The following FGF13 variants were observed in gnomAD, a reference collection of about 807,000 sequenced individuals.
The protein encoded by FGF13 is fibroblast growth factor 13, also known as fibroblast growth factor homologous factor 2.
Under a neutral mutation model 19.5 loss-of-function variants are expected in FGF13, and 2 were observed. The observed-to-expected ratio is 0.10, with a 90% confidence interval of 0.04 to 0.32. The LOEUF is 0.32. FGF13 is among the 10% of genes least tolerant of loss of function. The probability of loss-of-function intolerance (pLI) is 1.00; values close to 1 mark genes in which losing one functional copy is unlikely to be tolerated. For missense variants in FGF13, 113 were observed against 192.7 expected (o/e 0.59, Z 2.45); for synonymous variants, 72 against 76.9 (o/e 0.94, Z 0.33).
At chrX:138,746,358 G>A (rs773870752) in intron 3 of FGF13, among the ~76,000 whole-genome samples, 103 of 110,704 alleles carry the variant, frequency 9.3e-4, no homozygotes, top group Non-Finnish European at 1.3e-3. Flanking sequence ...TTAGCACCTC[G>A]TTGTGAGGAT....
At chrX:139,053,415 G>GT (rs199847219) in intron 1 of FGF13, among the ~76,000 whole-genome samples, 4,923 of 94,077 alleles carry the variant, frequency 0.052, 226 homozygotes, top group African/African-American at 0.12. Flanking sequence ...AGCATCTACT[G>GT]TTTTTTTTTT....
intron 3 of FGF13, among the ~76,000 whole-genome samples, chrX:138,797,537 A>C (rs1357999157): frequency 9.0e-6 from 1 of 111,088 alleles, no homozygotes; most frequent in Non-Finnish European, 1.9e-5. Context: ...TCTTGACTAT[A>C]CGGGTTCTTT....
intron 3 of FGF13, among the ~76,000 whole-genome samples, chrX:138,666,941 G>A (rs1401917715): frequency 9.1e-6 from 1 of 109,352 alleles, no homozygotes; most frequent in Non-Finnish European, 1.9e-5. Flanking sequence ...CCACTAAAAT[G>A]TAGATTAAGA....
At chrX:138,975,355 C>A (rs1371177326) in intron 1 of FGF13, among the ~76,000 whole-genome samples, 2 of 111,798 alleles carry the variant, frequency 1.8e-5, no homozygotes, top group Non-Finnish European at 1.9e-5. Context: ...GAACTGGAAT[C>A]CAAACTCAGG....
intron 3 of FGF13, among the ~76,000 whole-genome samples, chrX:138,775,726 C>T (rs900663873): frequency 5.3e-5 from 6 of 112,553 alleles, no homozygotes; most frequent in African/African-American, 1.9e-4. Flanking sequence ...TATTCCTTTC[C>T]CATCGTGATA....
intron 1 of FGF13, among the ~76,000 whole-genome samples, chrX:138,960,292 G>T (rs2091862949): frequency 1.8e-5 from 2 of 111,600 alleles, no homozygotes; most frequent in Non-Finnish European, 3.8e-5. Flanking sequence ...ACTTAGTTTG[G>T]CTGGATATGA....
chrX:139,197,693 T>C (rs1198639800), intron 1 of FGF13, among the ~76,000 whole-genome samples: 1 of 110,633 alleles, frequency 9.0e-6, no homozygotes, highest in Admixed American at 9.6e-5. Context: ...TAGATGATGA[T>C]AGAAATAAAA....
chrX:138,781,323 G>T (rs7391700), intron 3 of FGF13, among the ~76,000 whole-genome samples: 32,190 of 107,194 alleles, frequency 0.3, 3,825 homozygotes, highest in East Asian at 0.5. Flanking sequence ...AATCAGAGCA[G>T]AACTGAAGGA....
chrX:139,129,181 A>ATG (rs567529252), intron 1 of FGF13, among the ~76,000 whole-genome samples: 18,401 of 86,860 alleles, frequency 0.21, 1,240 homozygotes, highest in East Asian at 0.24. Context: ...ACACACACAC[A>ATG]TGTGTGTGTG....
chrX:139,155,331 G>C (rs2083969035), intron 1 of FGF13, among the ~76,000 whole-genome samples: 2 of 111,726 alleles, frequency 1.8e-5, no homozygotes, highest in South Asian at 7.6e-4. Flanking sequence ...TTTTGATATT[G>C]GGGATCTCTA....
intron 1 of FGF13, among the ~76,000 whole-genome samples, chrX:139,006,150 A>C (rs1326992748): frequency 9.0e-6 from 1 of 111,457 alleles, no homozygotes; most frequent in Non-Finnish European, 1.9e-5. Flanking sequence ...CAGACTCCCA[A>C]AGGTGAAGGA....
intron 1 of FGF13, among the ~76,000 whole-genome samples, chrX:139,015,037 C>CA (rs1056313199): frequency 5.4e-5 from 6 of 111,046 alleles, no homozygotes; most frequent in African/African-American, 2.0e-4. Flanking sequence ...CAAAAACCCT[C>CA]AAAAAACTGG....
intron 3 of FGF13, among the ~76,000 whole-genome samples, chrX:138,796,897 G>A (rs1264590359): frequency 1.8e-5 from 2 of 111,865 alleles, no homozygotes; most frequent in East Asian, 5.6e-4. Flanking sequence ...CCCCCTTTAT[G>A]ATGGGGTTGT....
At chrX:138,817,791 T>C (rs1444252856) in intron 3 of FGF13, among the ~76,000 whole-genome samples, 1 of 112,279 alleles carries the variant, frequency 8.9e-6, no homozygotes, top group Non-Finnish European at 1.9e-5. Flanking sequence ...CAGATGTACA[T>C]GTTTATCTAC....
intron 1 of FGF13, among the ~76,000 whole-genome samples, chrX:138,979,179 C>T (rs1163518072): frequency 8.9e-6 from 1 of 111,975 alleles, no homozygotes; most frequent in Admixed American, 9.5e-5. Flanking sequence ...AAAAACCCCA[C>T]TGTGACTGGA....
At chrX:138,778,821 C>G (rs927168164) in intron 3 of FGF13, among the ~76,000 whole-genome samples, 11 of 112,697 alleles carry the variant, frequency 9.8e-5, no homozygotes, top group African/African-American at 3.5e-4. Flanking sequence ...CACCACAGCT[C>G]AAGGAGGCCT....
intron 3 of FGF13, among the ~76,000 whole-genome samples, chrX:138,824,897 G>A (rs1054911067): frequency 8.1e-5 from 9 of 111,640 alleles, no homozygotes; most frequent in Admixed American, 1.9e-4. Flanking sequence ...TGTTCAATTC[G>A]TGCGTAAGAA....
intron 1 of FGF13, among the ~76,000 whole-genome samples, chrX:138,966,156 T>C (rs2091894019): frequency 9.0e-6 from 1 of 111,652 alleles, no homozygotes; most frequent in South Asian, 3.7e-4. Flanking sequence ...AGAAGGGAAA[T>C]GTGGGGTCGG....
At chrX:138,810,463 A>C (rs1180535496) in intron 3 of FGF13, among the ~76,000 whole-genome samples, 2 of 111,892 alleles carry the variant, frequency 1.8e-5, no homozygotes, top group Non-Finnish European at 3.8e-5. Context: ...TTAAAGACTT[A>C]AATGTTAGAC....
Sources: gnomAD v4.1 joint callset for allele counts (sites outside exome capture counted in the v4.1 genomes callset) on GRCh38, gnomAD v4.1.1 for gene constraint, MANE v1.5 for transcripts, NCBI Gene and HGNC (gene_info 2026-07-23, HGNC 2026-07-21) for gene names.